USF3: variants seen among roughly 807,000 people sequenced by gnomAD.
USF3 encodes basic helix-loop-helix domain-containing protein USF3.
Under a neutral mutation model 157.5 loss-of-function variants are expected in USF3, and 29 were observed. The observed-to-expected ratio is 0.18, with a 90% CI of 0.14 to 0.25. USF3 has a LOEUF of 0.25. USF3 is among the 10% of genes least tolerant of loss of function. The pLI is 1.00. For missense variants in USF3, 2,381 were observed against 2,667.6 expected (o/e 0.89, Z 2.37); for synonymous variants, 893 against 941.4 (o/e 0.95, Z 0.94).
At chr3:113,666,344 CG>C (rs1314087441) in intron 5 of USF3, among the ~76,000 whole-genome samples, 1 of 133,494 alleles carries the variant, frequency 7.5e-6, no homozygotes, top group Non-Finnish European at 1.5e-5. Context: ...CTCTGCCTTT[CG>C]GGCTCAAGCA....
Position 113,659,193 on chromosome 3 carries a change from C to T in USF3, c.2489G>A (p.Gly830Asp). The T allele has an allele frequency of 6.2e-7, 1 of 1,614,166 alleles. No homozygotes were observed. The highest frequency in any genetic ancestry group is 8.5e-7 in the Non-Finnish European group (1 of 1,180,026). ...ATCATTACAGGGTGGCTCTGCTGAG[C>T]CTTCAGTGTTGGGGCAGTCTAACTT... ...VSKLDCPNTE[G>D]SAEPPCNDGL... The change falls in exon 7 of 7, where the codon GGC becomes GAC. Residue 830 changes from glycine (G) to aspartate (D), a missense_variant. Coordinates refer to ENST00000316407, the MANE Select transcript of USF3 (RefSeq NM_001009899.4).
chr3:113,673,825 G>C (rs1189257533), intron 3 of USF3, among the ~76,000 whole-genome samples: 2 of 152,190 alleles, frequency 1.3e-5, no homozygotes, highest in Admixed American at 1.3e-4. Flanking sequence ...CCCTAGGGAG[G>C]GAGATGTGGC....
rs1947347105 is a variant in USF3, at chr3:113,655,836, G to A, written c.5846C>T (p.Pro1949Leu). The A allele has an allele frequency of 6.2e-7, 1 of 1,614,136 alleles. No homozygotes were observed. Among genetic ancestry groups the A allele is most frequent in the Non-Finnish European group, 8.5e-7 (1 of 1,180,022 alleles). ...AGACACAGATGGATGTGGCAACGCTGGCCTTGCAACCCCATGCATGTTGGT... is the reference window on the plus strand; with the variant it reads ...AGACACAGATGGATGTGGCAACGCTAGCCTTGCAACCCCATGCATGTTGGT... ...VTTNMHGVARPALPHPSVSHG... is the reference protein window; with the variant it reads ...VTTNMHGVARLALPHPSVSHG... Residue 1949 changes from proline (P) to leucine (L), a missense_variant, in exon 7 of 7, where the codon CCA (proline) becomes CTA (leucine). Physicochemically the swap from Pro to Leu is moderately conservative, Grantham distance 98. Coordinates refer to ENST00000316407, the MANE Select transcript of USF3 (RefSeq NM_001009899.4).
At chr3:113,664,862 G>A (rs766279825) in intron 5 of USF3, among the ~76,000 whole-genome samples, 2 of 152,128 alleles carry the variant, frequency 1.3e-5, no homozygotes, top group Non-Finnish European at 2.9e-5. Flanking sequence ...CTCATGATGG[G>A]ATTAGTGCCC....
At chr3:113,692,961 C>G (rs951967073) in intron 1 of USF3, among the ~76,000 whole-genome samples, 1 of 152,142 alleles carries the variant, frequency 6.6e-6, no homozygotes. Context: ...CCTGTGCATA[C>G]TGGAAGGAAG....
intron 1 of USF3, among the ~76,000 whole-genome samples, chr3:113,694,000 A>G (rs1707748797): frequency 6.6e-6 from 1 of 152,262 alleles, no homozygotes. Context: ...GGGCTACTGA[A>G]CAGAATCACC....
At position 113,660,649 on chromosome 3, in the gene USF3, A is replaced by G. The variant is rs1253245486; in HGVS notation, c.1033T>C (p.Ser345Pro). The G allele has an allele frequency of 6.2e-7, 1 of 1,614,104 alleles. No homozygotes were observed. The highest frequency in any genetic ancestry group is 8.5e-7 in the Non-Finnish European group (1 of 1,180,044). ...TCACCTGCAGTTCTGGGAGGCTGCG[A>G]GCAGACTGTGGTGGTAACTGAAACA... ...FVVSVTTTVC[S>P]QPPRTAGDSS... The change falls in exon 7 of 7, where the codon TCG becomes CCG. Residue 345 changes from serine to proline, a missense_variant. Transcript: ENST00000316407.
chr3:113,682,157 C>T lies in USF3; in HGVS notation c.-134-4760G>A, dbSNP rs185805332. On this transcript the variant is annotated intron_variant, in intron 1 of 6. Coordinates refer to ENST00000316407, the MANE Select transcript of USF3 (RefSeq NM_001009899.4). The stretch of plus-strand genomic sequence containing the variant: ...TAGGCAATATAGTGAGAGCCTATCT[C>T]TACAAAAAATAGAAAAAATTATCCA... 3.2e-3 allele frequency among the ~76,000 whole-genome samples: 486 copies of T among 152,218 alleles called. 3 individuals are homozygous for T. Among genetic ancestry groups the T allele is most frequent in the Non-Finnish European group, 3.5e-3 (236 of 68,008 alleles).
chr3:113,682,020 G>C lies in USF3; in HGVS notation c.-134-4623C>G, dbSNP rs143579641. On this transcript the variant is annotated intron_variant, in intron 1 of 6. Transcript: ENST00000316407. ...AGGCATGAACCACCAGGGAAACCCG[G>C]CTAAAAATGTTTTAAGACTTTGTCT... Among the ~76,000 whole-genome samples the C allele has an allele frequency of 8.2e-3, 1,242 of 152,244 alleles. 82 individuals carry two copies. The highest frequency in any genetic ancestry group is 0.074 in the Admixed American group (1,134 of 15,268).
intron 5 of USF3, among the ~76,000 whole-genome samples, chr3:113,666,561 T>C (rs1010347471): frequency 8.4e-5 from 12 of 142,176 alleles, no homozygotes; most frequent in Middle Eastern, 4.1e-3. Context: ...CCCCTACTTA[T>C]TGTTTCCTTT....
intron 1 of USF3, among the ~76,000 whole-genome samples, chr3:113,689,350 T>C (rs142633072): frequency 2.4e-4 from 36 of 152,340 alleles, no homozygotes; most frequent in Admixed American, 5.2e-4. Flanking sequence ...TACGTGTTAG[T>C]TGACTTTCTT....
In USF3 at chr3:113,659,052, G is replaced by C. The variant is rs1239902139; in HGVS notation, c.2630C>G (p.Pro877Arg). The change falls in exon 7 of 7, where the codon CCT (proline) becomes CGT (arginine). Residue 877 changes from proline (P) to arginine (R), a missense_variant. Transcript: ENST00000316407. ...LGVLSSESLI[P>R]ESVSKSKSAE... ...TGACTTAGATTTCGATACAGACTCA[G>C]GTATTAATGATTCAGAGCTTAGAAC... 5.0e-6 allele frequency: 8 copies of C among 1,614,002 alleles called. No individual in the cohort carries two copies. The highest frequency in any genetic ancestry group is 6.8e-6 in the Non-Finnish European group (8 of 1,180,016).
intron 6 of USF3, among the ~76,000 whole-genome samples, chr3:113,661,726 G>T (rs1947489860): frequency 6.6e-6 from 1 of 152,226 alleles, no homozygotes; most frequent in African/African-American, 2.4e-5. Flanking sequence ...CATAGGTGAA[G>T]TAAGGGAAGA....
chr3:113,664,512 C>A, intron 5 of USF3, 103 bp from the exon 6 acceptor site: 1 of 563,452 alleles, frequency 1.8e-6, no homozygotes, highest in South Asian at 2.6e-5. Context: ...TGATACGTAT[C>A]TTCTCAAAAT....
intron 5 of USF3, among the ~76,000 whole-genome samples, chr3:113,668,917 A>C (rs893089494): frequency 1.3e-5 from 2 of 152,156 alleles, no homozygotes; most frequent in Non-Finnish European, 1.5e-5. Context: ...CCAGAAGTAA[A>C]GTCTTGAAGA....
chr3:113,650,602 T>A lies in USF3; in HGVS notation c.*4342A>T, dbSNP rs1030437619. On this transcript the variant is annotated 3_prime_UTR_variant, in exon 7 of 7. Coordinates refer to ENST00000316407, the MANE Select transcript of USF3 (RefSeq NM_001009899.4). ...TACCCTTTCTCAAAATTTTTTAATT[T>A]TACTCCCATTAAAATGTGCTTCCAC... The A allele has an allele frequency of 5.9e-5, 9 of 152,218 alleles. No individual in the cohort carries two copies. The highest frequency in any genetic ancestry group is 2.2e-4 in the African/African-American group (9 of 41,462). 9.4% of individuals were successfully genotyped at this position (152,218 alleles called of 1,614,324 possible). A position where few individuals can be genotyped will look rare whatever the true frequency, so the allele number is the denominator to read the frequency against.
Position 113,651,358 on chromosome 3 carries a change from T to C in USF3, c.*3586A>G, listed in dbSNP as rs142649941. On this transcript the variant is annotated 3_prime_UTR_variant, in exon 7 of 7. Coordinates refer to ENST00000316407, the MANE Select transcript of USF3 (RefSeq NM_001009899.4). ...GCATACTGGTTCCCAAAGCCAAGAC[T>C]TGGGAATCACTGATTTGGGAGTATG... 2 of 152,324 alleles carry C rather than the reference T, an allele frequency of 1.3e-5. No individual in the cohort carries two copies. The highest frequency in any genetic ancestry group is 2.9e-5 in the Non-Finnish European group (2 of 68,012). 9.4% of individuals were successfully genotyped at this position (152,324 alleles called of 1,614,324 possible).
At chr3:113,678,868 C>T (rs903583174) in intron 1 of USF3, among the ~76,000 whole-genome samples, 1 of 152,022 alleles carries the variant, frequency 6.6e-6, no homozygotes, top group African/African-American at 2.4e-5. Context: ...GATCCTCCCA[C>T]CTCAGCCTCC....
At position 113,655,510 on chromosome 3, in the gene USF3, T is replaced by G; in HGVS notation, c.6172A>C (p.Thr2058Pro). 1.9e-6 allele frequency: 3 copies of G among 1,614,148 alleles called. No homozygotes were observed. Among genetic ancestry groups the G allele is most frequent in the Non-Finnish European group, 1.7e-6 (2 of 1,180,004 alleles). ...GAAAAACCAAAATTTTGTGATAGTG[T>G]ATGCTGGTCAGGACCTGAATTATCA... ...PNDNSGPDQH[T>P]LSQNFGFSFI... The change falls in exon 7 of 7, where the codon ACA becomes CCA. Residue 2058 changes from threonine (T) to proline (P), a missense_variant. Thr to Pro is a conservative substitution (Grantham distance 38). Transcript: ENST00000316407.
Sources: allele counts gnomAD v4.1 joint callset (sites outside exome capture counted in the v4.1 genomes callset), GRCh38; gene constraint gnomAD v4.1.1; transcripts MANE v1.5; gene names NCBI Gene and HGNC (gene_info 2026-07-23, HGNC 2026-07-21).